The following RBMS3 variants were observed in gnomAD, a reference collection of about 807,000 sequenced individuals.
RBMS3 encodes the protein RNA-binding motif, single-stranded-interacting protein 3.
RBMS3 carries 27 observed loss-of-function variants against 66.8 expected under a neutral mutation model. The observed-to-expected ratio is 0.40, with a 90% CI of 0.30 to 0.56. RBMS3 has a LOEUF of 0.56. RBMS3 is among the 20% of genes least tolerant of loss of function. The pLI is 0.40. For missense variants in RBMS3, 513 were observed against 549.5 expected (o/e 0.93, Z 0.66); for synonymous variants, 188 against 183.0 (o/e 1.03, Z -0.22).
intron 4 of RBMS3, among the ~76,000 whole-genome samples, chr3:29,703,868 A>T (rs947321100): frequency 1.3e-5 from 2 of 152,100 alleles, no homozygotes; most frequent in African/African-American, 4.8e-5. Flanking sequence ...TGAAGCTTTC[A>T]TCTGTATTTA....
At chr3:29,911,762 GA>G (rs566765259) in intron 10 of RBMS3, among the ~76,000 whole-genome samples, 12 of 152,028 alleles carry the variant, frequency 7.9e-5, no homozygotes, top group Non-Finnish European at 1.3e-4. Flanking sequence ...GAGATTCTAA[GA>G]AAAAATACCA....
chr3:29,629,827 A>G (rs2049219001), intron 4 of RBMS3, among the ~76,000 whole-genome samples: 1 of 152,078 alleles, frequency 6.6e-6, no homozygotes, highest in East Asian at 1.9e-4. Flanking sequence ...GCTGCTATCT[A>G]TTCTAGACTA....
At chr3:29,933,468 T>A (rs746258007) in intron 10 of RBMS3, among the ~76,000 whole-genome samples, 10,906 of 152,116 alleles carry the variant, frequency 0.072, 537 homozygotes, top group Non-Finnish European at 0.11. Context: ...AAAATTCATT[T>A]CTCCCAGGAG....
At chr3:29,377,296 G>A (rs2038526816) in intron 1 of RBMS3, among the ~76,000 whole-genome samples, 2 of 152,230 alleles carry the variant, frequency 1.3e-5, no homozygotes, top group South Asian at 4.2e-4. Context: ...TGTGCTGGGC[G>A]TGAACATGAG....
chr3:29,560,352 C>T (rs2046507749), intron 3 of RBMS3, among the ~76,000 whole-genome samples: 4 of 152,058 alleles, frequency 2.6e-5, no homozygotes, highest in Admixed American at 2.0e-4. Context: ...TTCTTATGGT[C>T]CTTTATGTTT....
At chr3:29,560,112 G>T (rs1052533956) in intron 3 of RBMS3, among the ~76,000 whole-genome samples, 1 of 152,050 alleles carries the variant, frequency 6.6e-6, no homozygotes, top group East Asian at 1.9e-4. Context: ...TACAATATGG[G>T]CAAAAAATGA....
At chr3:29,495,417 C>CTT (rs775377508) in intron 3 of RBMS3, among the ~76,000 whole-genome samples, 174 of 111,796 alleles carry the variant, frequency 1.6e-3, no homozygotes, top group Non-Finnish European at 1.8e-3. Flanking sequence ...ATATTTCTTT[C>CTT]TTTTTTTTTT....
At chr3:29,444,072 G>C (rs2125744510) in intron 2 of RBMS3, among the ~76,000 whole-genome samples, 1 of 152,150 alleles carries the variant, frequency 6.6e-6, no homozygotes, top group Non-Finnish European at 1.5e-5. Context: ...TTTGCATTGG[G>C]AGTTTAATAT....
chr3:29,368,899 A>G (rs2038044832), intron 1 of RBMS3, among the ~76,000 whole-genome samples: 1 of 152,136 alleles, frequency 6.6e-6, no homozygotes, highest in African/African-American at 2.4e-5. Context: ...TAGCAAAGAC[A>G]TAGAATCAAC....
intron 12 of RBMS3, among the ~76,000 whole-genome samples, chr3:29,945,137 C>T (rs913568525): frequency 3.3e-5 from 5 of 151,502 alleles, no homozygotes; most frequent in African/African-American, 1.2e-4. Flanking sequence ...TGTCAGACAG[C>T]AAGGTCATAA....
At chr3:29,672,163 A>G (rs984493894) in intron 4 of RBMS3, among the ~76,000 whole-genome samples, 2 of 152,348 alleles carry the variant, frequency 1.3e-5, no homozygotes, top group Non-Finnish European at 2.9e-5. Context: ...TTTTCAACCC[A>G]GAATTTCATA....
chr3:29,941,454 T>A (rs1404639009), intron 11 of RBMS3, among the ~76,000 whole-genome samples: 1 of 151,798 alleles, frequency 6.6e-6, no homozygotes, highest in African/African-American at 2.4e-5. Context: ...CTAAAATAGT[T>A]TTTTAGGAAA....
At chr3:29,929,699 A>G (rs959276077) in intron 10 of RBMS3, among the ~76,000 whole-genome samples, 1 of 152,212 alleles carries the variant, frequency 6.6e-6, no homozygotes. Flanking sequence ...ATTAATAGAT[A>G]TTCTGTTATT....
rs996491030 is a variant in RBMS3 at position 29,751,792 on chromosome 3, G to A, written c.558-11118G>A. ...AAGGGGCGGCTCGGTTAGGCAGCCC[G>A]CAGCACTCAAACCCCTTGTGGGAGG... is the stretch of plus-strand genomic sequence containing the variant. On this transcript the variant is annotated intron_variant, in intron 5 of 14. Coordinates refer to ENST00000383767, the MANE Select transcript of RBMS3 (RefSeq NM_001003793.3). Among the ~76,000 whole-genome samples the A allele has an allele frequency of 5.3e-5, 8 of 152,164 alleles. 1 individual carries two copies. In the East Asian group the frequency reaches 9.7e-4, roughly 18 times the overall value.
intron 3 of RBMS3, among the ~76,000 whole-genome samples, chr3:29,500,338 G>A (rs9842075): frequency 0.13 from 19,565 of 150,630 alleles, 1,881 homozygotes; most frequent in African/African-American, 0.26. Context: ...TTCCCGTATA[G>A]AAAATAGAAA....
intron 2 of RBMS3, among the ~76,000 whole-genome samples, chr3:29,455,158 C>T (rs953141281): frequency 6.6e-6 from 1 of 152,140 alleles, no homozygotes; most frequent in Non-Finnish European, 1.5e-5. Flanking sequence ...CCACAACATA[C>T]ATGTATGTTC....
chr3:29,294,911 G>A (rs1420050982), intron 1 of RBMS3, among the ~76,000 whole-genome samples: 4 of 151,604 alleles, frequency 2.6e-5, no homozygotes, highest in Admixed American at 2.0e-4. Flanking sequence ...ACCCAGATGG[G>A]TTTTTTAACT....
intron 1 of RBMS3, among the ~76,000 whole-genome samples, chr3:29,296,950 C>A (rs1575489953): frequency 6.6e-6 from 1 of 151,074 alleles, no homozygotes; most frequent in African/African-American, 2.4e-5. Context: ...CATTTTTTAA[C>A]CCACACTTAA....
chr3:29,851,446 A>G (rs1171774699), intron 6 of RBMS3, among the ~76,000 whole-genome samples: 1 of 152,160 alleles, frequency 6.6e-6, no homozygotes. Flanking sequence ...TTAGCTGGGT[A>G]TACTTAATTT....
Sources: allele counts gnomAD v4.1 joint callset (sites outside exome capture counted in the v4.1 genomes callset), GRCh38; gene constraint gnomAD v4.1.1; transcripts MANE v1.5; gene names NCBI Gene and HGNC (gene_info 2026-07-23, HGNC 2026-07-21).